The following CD36 variants were observed in gnomAD, a reference collection of about 807,000 sequenced individuals.
CD36 encodes the protein platelet glycoprotein 4.
A neutral mutation model predicts 55.2 loss-of-function variants in CD36; 119 were observed. The observed-to-expected ratio is 2.15, with a 90% CI of 1.86 to 2.51. The LOEUF is 2.51. CD36 is among the 30% of genes most tolerant of loss of function. The pLI is 0.00. For synonymous variants in CD36, 186 were observed against 193.6 expected (o/e 0.96, Z 0.33); for missense variants, 819 against 555.5 (o/e 1.47, Z -4.77).
At chr7:80,669,561 C>T (rs550125181) in intron 8 of CD36, among the ~76,000 whole-genome samples, 11 of 152,046 alleles carry the variant, frequency 7.2e-5, no homozygotes, top group Admixed American at 1.3e-4. Flanking sequence ...GCTGGGATTA[C>T]GAGCGCCTAT....
intron 1 of CD36, among the ~76,000 whole-genome samples, chr7:80,613,350 T>C (rs187343152): frequency 4.1e-4 from 63 of 152,168 alleles, no homozygotes; most frequent in African/African-American, 1.4e-3. Flanking sequence ...ACAAGAGAAA[T>C]AGTGTGTTTT....
At chr7:80,658,430 T>C (rs1164300074) in intron 4 of CD36, among the ~76,000 whole-genome samples, 1 of 152,056 alleles carries the variant, frequency 6.6e-6, no homozygotes, top group Non-Finnish European at 1.5e-5. Context: ...TTGTTAGAAT[T>C]TGAGAACTCA....
chr7:80,632,870 GTGGTACCCTTAA>G (rs550396483), intron 1 of CD36, among the ~76,000 whole-genome samples: 8 of 151,884 alleles, frequency 5.3e-5, no homozygotes, highest in Non-Finnish European at 1.0e-4. Flanking sequence ...ACTAAAATTT[GTGGTACCCTTAA>G]TGACAATGAA....
Position 80,672,784 on chromosome 7 carries a change from T to A in CD36, c.1140T>A (p.Thr380=), listed in dbSNP as rs371703013. 3 of 1,609,212 alleles carry A rather than the reference T, an allele frequency of 1.9e-6. No individual in the cohort carries two copies. In the African/African-American group the frequency reaches 4.0e-5, roughly 21 times the overall value. ...TCTCTTTTTAGATAACTGGATTCAC[T>A]TTACAATTTGCAAAACGGCTGCAGG... is the stretch of plus-strand genomic sequence containing the variant. ...YLDIEPITGF[T]LQFAKRLQVN... Residue 380 remains threonine, a synonymous_variant, in exon 12 of 15, where the codon ACT becomes ACA. Coordinates refer to ENST00000447544, the MANE Select transcript of CD36 (RefSeq NM_001001548.3).
intron 8 of CD36, among the ~76,000 whole-genome samples, chr7:80,667,759 T>TTTGTTTTG (rs1424985648): frequency 3.5e-5 from 5 of 141,370 alleles, no homozygotes; most frequent in Non-Finnish European, 7.8e-5. Context: ...TTTTTTTTTT[T>TTTGTTTTG]TTTTTTTTTG....
intron 1 of CD36, among the ~76,000 whole-genome samples, chr7:80,617,530 C>G (rs1793233276): frequency 6.6e-6 from 1 of 152,006 alleles, no homozygotes; most frequent in South Asian, 2.1e-4. Flanking sequence ...AGTTTGAAAC[C>G]AGCCTGGCCA....
chr7:80,673,493 A>AT, intron 13 of CD36, 84 bp downstream of exon 13: 1 of 826,818 alleles, frequency 1.2e-6, no homozygotes, highest in Non-Finnish European at 2.1e-6. Flanking sequence ...AATGTATAGT[A>AT]TTTAAAGCTA....
chr7:80,611,527 T>C (rs1792878042), intron 1 of CD36, among the ~76,000 whole-genome samples: 1 of 152,162 alleles, frequency 6.6e-6, no homozygotes, highest in Admixed American at 6.5e-5. Flanking sequence ...GCCAATGTCC[T>C]TTCTTTAACC....
intron 4 of CD36, among the ~76,000 whole-genome samples, chr7:80,658,822 T>C (rs148255859): frequency 1.9e-4 from 29 of 152,240 alleles, no homozygotes; most frequent in African/African-American, 6.5e-4. Flanking sequence ...AATATATTAT[T>C]TGGGATATGA....
intron 8 of CD36, 73 bp downstream of exon 8, chr7:80,666,562 A>T (rs1445083459): frequency 1.3e-5 from 15 of 1,146,886 alleles, no homozygotes; most frequent in Non-Finnish European, 1.3e-6. Flanking sequence ...TTGTACTGAC[A>T]GTGTTCTGAA....
At chr7:80,663,266 T>C in intron 6 of CD36, 97 bp downstream of exon 6, 1 of 1,032,976 alleles carries the variant, frequency 9.7e-7, no homozygotes, top group South Asian at 1.3e-5. Flanking sequence ...CTCATTAGTC[T>C]TATTGCTGAT....
At chr7:80,629,591 A>G (rs902785312) in intron 1 of CD36, among the ~76,000 whole-genome samples, 5 of 152,036 alleles carry the variant, frequency 3.3e-5, no homozygotes, top group Non-Finnish European at 1.5e-5. Context: ...TCTGGAAAAC[A>G]AGGTACTCCT....
chr7:80,669,853 T>C, intron 8 of CD36, 100 bp from the exon 9 acceptor site: 1 of 827,478 alleles, frequency 1.2e-6, no homozygotes, highest in Non-Finnish European at 2.1e-6. Context: ...CTTAGGCAGT[T>C]TGCATTACAT....
At chr7:80,648,158 A>G (rs1795313080) in intron 3 of CD36, among the ~76,000 whole-genome samples, 2 of 152,096 alleles carry the variant, frequency 1.3e-5, no homozygotes, top group South Asian at 4.1e-4. Flanking sequence ...ATACAGGCCA[A>G]TGGAAACAGA....
intron 1 of CD36, among the ~76,000 whole-genome samples, chr7:80,644,732 A>G (rs894033426): frequency 1.1e-4 from 16 of 152,206 alleles, no homozygotes; most frequent in African/African-American, 3.9e-4. Flanking sequence ...AATTATTAAT[A>G]CACTTACAAC....
At position 80,663,151 on chromosome 7, in the gene CD36, A is replaced by G. The variant is rs141680676; in HGVS notation, c.591A>G (p.Thr197=). The G allele has an allele frequency of 1.9e-6, 3 of 1,613,422 alleles. No individual in the cohort carries two copies. The highest frequency in any genetic ancestry group is 2.7e-5 in the African/African-American group (2 of 74,892). Reference sequence around the variant, plus strand: ...TGGTTCCGTACCCTGTTACTACCACAGTTGGTCTGTTTTATCCTGTAAGTA... The same window carrying G: ...TGGTTCCGTACCCTGTTACTACCACGGTTGGTCTGTTTTATCCTGTAAGTA... ...LSLVPYPVTT[T]VGLFYPYNNT... Residue 197 remains threonine, a synonymous_variant, in exon 6 of 15, where the codon ACA becomes ACG. Coordinates refer to ENST00000447544, the MANE Select transcript of CD36 (RefSeq NM_001001548.3).
intron 14 of CD36, among the ~76,000 whole-genome samples, chr7:80,674,821 G>T (rs1398673013): frequency 6.6e-6 from 1 of 151,948 alleles, no homozygotes; most frequent in East Asian, 1.9e-4. Flanking sequence ...CCCACCTCAA[G>T]GCAATGTAAA....
At chr7:80,607,096 C>T (rs919705730) in intron 1 of CD36, among the ~76,000 whole-genome samples, 1 of 152,030 alleles carries the variant, frequency 6.6e-6, no homozygotes, top group Middle Eastern at 3.2e-3. Context: ...TACTATAATT[C>T]CTCCCATTAT....
At chr7:80,671,795 C>T (rs1467988980) in intron 10 of CD36, 127 bp from the exon 11 acceptor site, 4 of 769,748 alleles carry the variant, frequency 5.2e-6, no homozygotes, top group Non-Finnish European at 8.8e-6. Flanking sequence ...ATAATTCTTC[C>T]CCACCCATGT....
Sources: allele counts gnomAD v4.1 joint callset (sites outside exome capture counted in the v4.1 genomes callset), GRCh38; gene constraint gnomAD v4.1.1; transcripts MANE v1.5; gene names NCBI Gene and HGNC (gene_info 2026-07-23, HGNC 2026-07-21).